The following DLGAP1 variants were observed in gnomAD, a reference collection of about 807,000 sequenced individuals.
DLGAP1 encodes the protein disks large-associated protein 1.
In DLGAP1, 11 loss-of-function variants were observed where a neutral mutation model predicts 90.8. That is an observed-to-expected ratio of 0.12 (90% CI 0.08 to 0.20). The LOEUF (loss-of-function observed/expected upper bound fraction) is 0.20, where lower values mean the gene tolerates loss of function less well. DLGAP1 is among the 10% of genes least tolerant of loss of function. DLGAP1 has a pLI of 1.00. For synonymous variants in DLGAP1, 558 were observed against 540.7 expected (o/e 1.03, Z -0.44); for missense variants, 1,050 against 1,333.8 (o/e 0.79, Z 3.31).
At chr18:4,394,294 A>G (rs1038932202) in intron 1 of DLGAP1, among the ~76,000 whole-genome samples, 1 of 152,214 alleles carries the variant, frequency 6.6e-6, no homozygotes, top group Non-Finnish European at 1.5e-5. Context: ...TCTAATCAGT[A>G]TCAATTATCA....
chr18:3,817,878 C>T (rs560862136), intron 4 of DLGAP1, among the ~76,000 whole-genome samples: 1 of 152,286 alleles, frequency 6.6e-6, no homozygotes, highest in Non-Finnish European at 1.5e-5. Flanking sequence ...AACCTTGCAG[C>T]TGTCTCTGAA....
At chr18:4,121,870 C>T (rs990035282) in intron 2 of DLGAP1, among the ~76,000 whole-genome samples, 1 of 152,168 alleles carries the variant, frequency 6.6e-6, no homozygotes, top group African/African-American at 2.4e-5. Context: ...TGCTGTGTGT[C>T]AGCTCCTCTA....
At chr18:3,599,805 G>C (rs1410330572) in intron 7 of DLGAP1, among the ~76,000 whole-genome samples, 1 of 152,098 alleles carries the variant, frequency 6.6e-6, no homozygotes, top group African/African-American at 2.4e-5. Flanking sequence ...TTTTAGTAGA[G>C]ATGTAGTTTC....
chr18:4,115,520 C>T (rs1433411459), intron 2 of DLGAP1, among the ~76,000 whole-genome samples: 1 of 141,888 alleles, frequency 7.0e-6, no homozygotes, highest in Admixed American at 6.7e-5. Flanking sequence ...GAGTCTTGCT[C>T]TGTTGCCCAG....
At chr18:4,329,314 C>T (rs796616170) in intron 1 of DLGAP1, among the ~76,000 whole-genome samples, 8 of 151,962 alleles carry the variant, frequency 5.3e-5, no homozygotes, top group African/African-American at 1.9e-4. Context: ...AGCCAATTAA[C>T]CATATTCCTG....
intron 3 of DLGAP1, among the ~76,000 whole-genome samples, chr18:3,916,896 C>G (rs1208969031): frequency 1.3e-5 from 2 of 152,128 alleles, no homozygotes; most frequent in Non-Finnish European, 2.9e-5. Context: ...ACAGACAGTT[C>G]CTGATTTATG....
intron 1 of DLGAP1, among the ~76,000 whole-genome samples, chr18:4,185,694 C>T (rs1282835489): frequency 6.6e-6 from 1 of 152,016 alleles, no homozygotes; most frequent in Admixed American, 6.6e-5. Flanking sequence ...CATTGAGGGA[C>T]ATTTAGGTTG....
chr18:3,536,223 CTTT>C (rs71159088), intron 9 of DLGAP1, among the ~76,000 whole-genome samples: 23 of 137,422 alleles, frequency 1.7e-4, no homozygotes, highest in South Asian at 4.7e-4. Context: ...TACTTTCTTT[CTTT>C]TTTTTTTTTT....
At chr18:3,894,359 G>T (rs2071559868) in intron 3 of DLGAP1, among the ~76,000 whole-genome samples, 1 of 152,128 alleles carries the variant, frequency 6.6e-6, no homozygotes, top group African/African-American at 2.4e-5. Flanking sequence ...TAACATGTAA[G>T]CCTTTAAGCC....
chr18:4,113,995 G>A (rs932949844), intron 2 of DLGAP1, among the ~76,000 whole-genome samples: 49 of 148,798 alleles, frequency 3.3e-4, no homozygotes, highest in African/African-American at 1.1e-3. Flanking sequence ...CCAGTACCAT[G>A]CTGTTTTAAT....
chr18:4,271,043 T>A (rs1192735400), intron 1 of DLGAP1, among the ~76,000 whole-genome samples: 1 of 152,156 alleles, frequency 6.6e-6, no homozygotes, highest in Non-Finnish European at 1.5e-5. Context: ...TGACTCATAT[T>A]CCAGAAGACA....
chr18:3,602,561 C>G (rs1316868969), intron 7 of DLGAP1, among the ~76,000 whole-genome samples: 4 of 139,154 alleles, frequency 2.9e-5, no homozygotes, highest in African/African-American at 5.4e-5. Flanking sequence ...CGCCACCGCA[C>G]TCCAGCCTGG....
intron 2 of DLGAP1, among the ~76,000 whole-genome samples, chr18:4,132,062 G>A (rs1209511490): frequency 6.6e-6 from 1 of 151,828 alleles, no homozygotes; most frequent in Non-Finnish European, 1.5e-5. Context: ...GTAAATTCTA[G>A]AATGCTAATT....
intron 5 of DLGAP1, among the ~76,000 whole-genome samples, chr18:3,781,510 G>A (rs1422700352): frequency 2.0e-5 from 3 of 151,842 alleles, no homozygotes; most frequent in East Asian, 1.9e-4. Flanking sequence ...CTGCCACCAT[G>A]CCGGCTAATT....
At chr18:3,830,407 T>C (rs914039181) in intron 4 of DLGAP1, among the ~76,000 whole-genome samples, 3 of 151,986 alleles carry the variant, frequency 2.0e-5, no homozygotes, top group African/African-American at 7.2e-5. Context: ...CTATTAAAGA[T>C]ACAAAAAATT....
chr18:4,153,523 TC>T (rs1287226262), intron 1 of DLGAP1, among the ~76,000 whole-genome samples: 17 of 152,356 alleles, frequency 1.1e-4, no homozygotes, highest in African/African-American at 3.8e-4. Context: ...TTAACTTTTT[TC>T]TTCCTGTTCT....
intron 6 of DLGAP1, among the ~76,000 whole-genome samples, chr18:3,733,595 A>G (rs1033807836): frequency 1.3e-5 from 2 of 152,168 alleles, no homozygotes; most frequent in Admixed American, 6.5e-5. Flanking sequence ...GGTATTTTCA[A>G]CTCACAATGG....
chr18:4,099,779 C>T (rs1276392960), intron 2 of DLGAP1, among the ~76,000 whole-genome samples: 5 of 151,486 alleles, frequency 3.3e-5, no homozygotes, highest in African/African-American at 9.7e-5. Context: ...TCATGGCTCA[C>T]TGCAGCCTTG....
intron 4 of DLGAP1, among the ~76,000 whole-genome samples, chr18:3,836,650 C>T (rs1192428137): frequency 6.6e-6 from 1 of 152,180 alleles, no homozygotes; most frequent in Non-Finnish European, 1.5e-5. Context: ...TCTGAGGTAG[C>T]CGCTGACCTA....
Sources: allele counts gnomAD v4.1 joint callset (sites outside exome capture counted in the v4.1 genomes callset), GRCh38; gene constraint gnomAD v4.1.1; transcripts MANE v1.5; gene names NCBI Gene and HGNC (gene_info 2026-07-23, HGNC 2026-07-21).